Variants in KIF13B observed in about 807,000 individuals in gnomAD.
KIF13B encodes kinesin family member 13B.
KIF13B carries 127 observed loss-of-function variants against 222.0 expected under a neutral mutation model. The observed-to-expected ratio is 0.57, with a 90% CI of 0.50 to 0.66. The LOEUF is 0.66. KIF13B is among the 30% of genes least tolerant of loss of function. The pLI, the probability that KIF13B is intolerant of heterozygous loss-of-function variation, is 0.00. For synonymous variants in KIF13B, 976 were observed against 919.0 expected, an observed-to-expected ratio of 1.06 and a Z score of -1.12; for missense variants, 2,173 against 2,379.0, an observed-to-expected ratio of 0.91 and a Z score of 1.80.
chr8:29,147,709 A>G (rs1207043838), intron 16 of KIF13B, 107 bp from the exon 17 acceptor site: 2 of 803,998 alleles, frequency 2.5e-6, no homozygotes, highest in Non-Finnish European at 4.0e-6. Context: ...ATACCACCTA[A>G]TACTTTAAAG....
intron 2 of KIF13B, among the ~76,000 whole-genome samples, chr8:29,200,511 TAGTACAAAAAA>T (rs1345819719): frequency 6.6e-6 from 1 of 152,186 alleles, no homozygotes; most frequent in Non-Finnish European, 1.5e-5. Flanking sequence ...GCTCCAAAAA[TAGTACAAAAAA>T]ATCCTGTACA....
intron 19 of KIF13B, 36 bp from the exon 20 acceptor site, chr8:29,140,653 A>G (rs1188600751): frequency 6.3e-7 from 1 of 1,585,070 alleles, no homozygotes; most frequent in Admixed American, 1.7e-5. Context: ...CTTCAGAAAA[A>G]CCATTTACAA....
intron 2 of KIF13B, among the ~76,000 whole-genome samples, chr8:29,240,818 A>T (rs1233739853): frequency 6.6e-6 from 1 of 152,204 alleles, no homozygotes; most frequent in Non-Finnish European, 1.5e-5. Flanking sequence ...TTTACAGTAG[A>T]TGAGAGTTTT....
intron 13 of KIF13B, 33 bp from the exon 14 acceptor site, chr8:29,155,889 G>A (rs1463951207): frequency 4.7e-6 from 7 of 1,487,564 alleles, no homozygotes; most frequent in South Asian, 1.2e-5. Context: ...GATTAATACT[G>A]TATTCTTACA....
intron 37 of KIF13B, among the ~76,000 whole-genome samples, 176 bp downstream of exon 37, chr8:29,092,569 A>G (rs1808347467): frequency 6.6e-6 from 1 of 152,172 alleles, no homozygotes; most frequent in Non-Finnish European, 1.5e-5. Flanking sequence ...CGTAAGTTTA[A>G]ACAGCTCTGT....
chr8:29,103,689 G>T (rs1041176641), intron 35 of KIF13B, among the ~76,000 whole-genome samples: 5 of 151,896 alleles, frequency 3.3e-5, no homozygotes, highest in Admixed American at 3.3e-4. Context: ...TCATATGTAG[G>T]GGCATCGACA....
chr8:29,260,056 T>G (rs535060758), intron 1 of KIF13B, among the ~76,000 whole-genome samples: 90 of 152,236 alleles, frequency 5.9e-4, no homozygotes, highest in Non-Finnish European at 1.2e-3. Flanking sequence ...AATAAATGTA[T>G]GACTAGACAA....
In KIF13B at chr8:29,147,394, C is replaced by T. The variant is rs1278743413; in HGVS notation, c.2022G>A (p.Glu674=). 1 of 1,600,720 alleles carries T rather than the reference C, an allele frequency of 6.2e-7. No homozygotes were observed. Among genetic ancestry groups the T allele is most frequent in the Admixed American group, 1.7e-5 (1 of 58,172 alleles). Residue 674 remains glutamate, a splice_region_variant and synonymous_variant, in exon 17 of 40, where the codon GAG becomes GAA. Transcript: ENST00000524189. ...AQQRLRQWAE[E]REATLNNSLM... The stretch of plus-strand genomic sequence containing the variant: ...ACAGGCCCCTCTGTGCCGCCTACCT[C>T]TCCTCAGCCCACTGTCTTAAGCGTT...
chr8:29,199,081 A>ATTTTT (rs1435870446), intron 2 of KIF13B, among the ~76,000 whole-genome samples: 7 of 151,458 alleles, frequency 4.6e-5, no homozygotes, highest in South Asian at 2.1e-4. Flanking sequence ...AAAAAAATAA[A>ATTTTT]ATTTTTTAAA....
chr8:29,258,592 G>C (rs1816570102), intron 1 of KIF13B, among the ~76,000 whole-genome samples: 1 of 152,144 alleles, frequency 6.6e-6, no homozygotes, highest in Non-Finnish European at 1.5e-5. Flanking sequence ...CTGGCAGGCA[G>C]ATCTCATCTC....
chr8:29,219,768 A>C (rs1339405892), intron 2 of KIF13B, among the ~76,000 whole-genome samples: 1 of 151,076 alleles, frequency 6.6e-6, no homozygotes, highest in African/African-American at 2.4e-5. Flanking sequence ...TAAATAAATA[A>C]ATAAATAAAT....
intron 38 of KIF13B, among the ~76,000 whole-genome samples, chr8:29,074,221 C>T (rs555402834): frequency 9.2e-5 from 14 of 152,208 alleles, no homozygotes; most frequent in Non-Finnish European, 1.9e-4. Flanking sequence ...ATGTAAGACA[C>T]TGGCTTGGGC....
intron 27 of KIF13B, 121 bp from the exon 28 acceptor site, chr8:29,123,613 T>C (rs1809975292): frequency 7.7e-6 from 10 of 1,294,360 alleles, no homozygotes; most frequent in East Asian, 2.3e-5. Context: ...TCCCCAGTGA[T>C]AAAAACTAAC....
chr8:29,250,314 T>G (rs930335945), intron 1 of KIF13B, among the ~76,000 whole-genome samples: 1 of 152,176 alleles, frequency 6.6e-6, no homozygotes, highest in African/African-American at 2.4e-5. Flanking sequence ...TATCTTCAAT[T>G]AAGAAGGCAG....
At chr8:29,214,381 T>G (rs1055934544) in intron 2 of KIF13B, among the ~76,000 whole-genome samples, 2 of 152,218 alleles carry the variant, frequency 1.3e-5, no homozygotes, top group African/African-American at 2.4e-5. Context: ...AGAACTTTTT[T>G]AAAAAATTAG....
At chr8:29,192,638 T>A (rs1563775305) in intron 3 of KIF13B, among the ~76,000 whole-genome samples, 1 of 152,208 alleles carries the variant, frequency 6.6e-6, no homozygotes, top group South Asian at 2.1e-4. Flanking sequence ...GGCAGGAGAA[T>A]GTTTCTGTGT....
chr8:29,113,768 C>A (rs1809466326), intron 31 of KIF13B, among the ~76,000 whole-genome samples: 1 of 152,160 alleles, frequency 6.6e-6, no homozygotes, highest in South Asian at 2.1e-4. Flanking sequence ...TATGACAGGT[C>A]CTACACCCAA....
chr8:29,105,444 GC>G (rs1809009360), intron 35 of KIF13B, among the ~76,000 whole-genome samples: 1 of 152,142 alleles, frequency 6.6e-6, no homozygotes, highest in Non-Finnish European at 1.5e-5. Context: ...AATGGCCTCT[GC>G]CCTGCAGCCT....
intron 2 of KIF13B, among the ~76,000 whole-genome samples, chr8:29,237,751 T>C (rs1001363062): frequency 6.6e-6 from 1 of 152,248 alleles, no homozygotes; most frequent in African/African-American, 2.4e-5. Context: ...TTTGACTACC[T>C]GCTTCCATTA....
Sources: allele counts gnomAD v4.1 joint callset (sites outside exome capture counted in the v4.1 genomes callset), GRCh38; gene constraint gnomAD v4.1.1; transcripts MANE v1.5; gene names NCBI Gene and HGNC (gene_info 2026-07-23, HGNC 2026-07-21).